The following ADAMTS19 variants were observed in gnomAD, a reference collection of about 807,000 sequenced individuals.
The protein encoded by ADAMTS19 is ADAM metallopeptidase with thrombospondin type 1 motif 19.
ADAMTS19 carries 93 observed loss-of-function variants against 153.3 expected under a neutral mutation model. The ratio of observed to expected loss-of-function variants is 0.61; its 90% CI spans 0.51 to 0.72. ADAMTS19 has a LOEUF of 0.72. Ranked by LOEUF, ADAMTS19 falls within the 30% of genes least tolerant of loss-of-function variation. The pLI is 0.00. For synonymous variants in ADAMTS19, 600 were observed against 556.6 expected (o/e 1.08, Z -1.10); for missense variants, 1,482 against 1,552.1 (o/e 0.95, Z 0.76).
intron 7 of ADAMTS19, among the ~76,000 whole-genome samples, chr5:129,592,552 T>G (rs1415195158): frequency 6.6e-6 from 1 of 152,220 alleles, no homozygotes; most frequent in East Asian, 1.9e-4. Flanking sequence ...ATCATTTACA[T>G]TAGTCGTGGT....
At chr5:129,716,025 G>T (rs1311708124) in intron 21 of ADAMTS19, among the ~76,000 whole-genome samples, 2 of 151,722 alleles carry the variant, frequency 1.3e-5, no homozygotes, top group African/African-American at 4.8e-5. Flanking sequence ...GAGCAAGAGA[G>T]AAATCATGAG....
At chr5:129,694,659 C>A (rs1755476381) in intron 18 of ADAMTS19, 61 bp from the exon 19 acceptor site, 3 of 1,269,524 alleles carry the variant, frequency 2.4e-6, no homozygotes, top group Non-Finnish European at 3.1e-6. Context: ...TTATGAACAC[C>A]TCCTAAATCC....
intron 7 of ADAMTS19, among the ~76,000 whole-genome samples, chr5:129,592,500 T>C (rs1041473650): frequency 1.3e-5 from 2 of 152,142 alleles, no homozygotes; most frequent in African/African-American, 4.8e-5. Context: ...CACACGTGGG[T>C]TATTGAACTG....
intron 7 of ADAMTS19, among the ~76,000 whole-genome samples, chr5:129,579,586 T>A (rs1253827362): frequency 6.6e-6 from 1 of 152,226 alleles, no homozygotes; most frequent in Non-Finnish European, 1.5e-5. Context: ...TATGTTTAAG[T>A]CTTCAATCTA....
At chr5:129,558,671 G>C (rs1399345010) in intron 7 of ADAMTS19, among the ~76,000 whole-genome samples, 1 of 151,988 alleles carries the variant, frequency 6.6e-6, no homozygotes, top group African/African-American at 2.4e-5. Context: ...GAGGAACATA[G>C]GTCTGAAAAT....
intron 2 of ADAMTS19, among the ~76,000 whole-genome samples, chr5:129,467,546 G>A (rs559896647): frequency 5.9e-5 from 9 of 152,246 alleles, no homozygotes; most frequent in East Asian, 3.9e-4. Context: ...AGAGAAAATC[G>A]TATGCATTTA....
chr5:129,715,380 A>G (rs927182536), intron 21 of ADAMTS19, among the ~76,000 whole-genome samples: 1 of 151,290 alleles, frequency 6.6e-6, no homozygotes, highest in Non-Finnish European at 1.5e-5. Flanking sequence ...TGGGACTAGA[A>G]GAGGTAAGAT....
At chr5:129,594,194 C>A (rs1750268325) in intron 7 of ADAMTS19, among the ~76,000 whole-genome samples, 1 of 152,068 alleles carries the variant, frequency 6.6e-6, no homozygotes, top group South Asian at 2.1e-4. Context: ...GAATTAGAAA[C>A]AAGTGGCAGT....
At chr5:129,645,288 G>A (rs1375432172) in intron 11 of ADAMTS19, among the ~76,000 whole-genome samples, 6 of 152,088 alleles carry the variant, frequency 3.9e-5, no homozygotes, top group African/African-American at 1.4e-4. Context: ...AAATCATGCT[G>A]CTCTCCATAA....
intron 7 of ADAMTS19, among the ~76,000 whole-genome samples, chr5:129,589,974 G>A (rs540173277): frequency 1.3e-5 from 2 of 152,130 alleles, no homozygotes; most frequent in South Asian, 2.1e-4. Flanking sequence ...ATGTGCTCAC[G>A]GTAGCTTCGG....
chr5:129,474,307 G>T (rs150703260), intron 2 of ADAMTS19, among the ~76,000 whole-genome samples: 8 of 151,944 alleles, frequency 5.3e-5, no homozygotes, highest in Admixed American at 3.3e-4. Flanking sequence ...TCATCAGTTG[G>T]TGGGCATTTG....
chr5:129,491,551 G>A (rs1288569900), intron 2 of ADAMTS19, among the ~76,000 whole-genome samples: 1 of 151,874 alleles, frequency 6.6e-6, no homozygotes, highest in Non-Finnish European at 1.5e-5. Flanking sequence ...CCTTCTACTC[G>A]ATTAACTTTG....
At chr5:129,539,373 C>T (rs1359822262) in intron 6 of ADAMTS19, among the ~76,000 whole-genome samples, 4 of 152,042 alleles carry the variant, frequency 2.6e-5, no homozygotes, top group African/African-American at 9.7e-5. Flanking sequence ...CAAAGAATGC[C>T]AGCAATGTCT....
intron 10 of ADAMTS19, among the ~76,000 whole-genome samples, chr5:129,629,975 C>T (rs1242076672): frequency 6.6e-6 from 1 of 152,042 alleles, no homozygotes; most frequent in African/African-American, 2.4e-5. Flanking sequence ...CTCCAGGAAA[C>T]TTAAGATCCT....
intron 7 of ADAMTS19, among the ~76,000 whole-genome samples, chr5:129,594,961 A>C (rs1750305245): frequency 6.6e-6 from 1 of 152,116 alleles, no homozygotes; most frequent in Non-Finnish European, 1.5e-5. Flanking sequence ...CCCATTCATT[A>C]AGAAGTCATT....
At chr5:129,627,670 A>G (rs1265039234) in intron 10 of ADAMTS19, among the ~76,000 whole-genome samples, 1 of 152,066 alleles carries the variant, frequency 6.6e-6, no homozygotes, top group African/African-American at 2.4e-5. Flanking sequence ...AAAGACATGC[A>G]GCCAACAAGC....
chr5:129,727,749 C>A (rs941707750), intron 21 of ADAMTS19, among the ~76,000 whole-genome samples: 1 of 152,084 alleles, frequency 6.6e-6, no homozygotes, highest in Non-Finnish European at 1.5e-5. Context: ...TAAGCTTTAA[C>A]AAAGTGCCTG....
At chr5:129,559,136 TAAATA>T (rs994720393) in intron 7 of ADAMTS19, among the ~76,000 whole-genome samples, 2 of 152,066 alleles carry the variant, frequency 1.3e-5, no homozygotes, top group African/African-American at 4.8e-5. Context: ...TATCACTAAA[TAAATA>T]AGACAATGAC....
intron 7 of ADAMTS19, among the ~76,000 whole-genome samples, chr5:129,561,819 A>ACTATCTATCTATCTAT (rs3071537): frequency 2.6e-4 from 38 of 148,182 alleles, no homozygotes; most frequent in African/African-American, 3.5e-4. Flanking sequence ...ATTTCACCCT[A>ACTATCTATCTATCTAT]CTATCTATCT....
Sources: gnomAD v4.1 joint callset for allele counts (sites outside exome capture counted in the v4.1 genomes callset) on GRCh38, gnomAD v4.1.1 for gene constraint, MANE v1.5 for transcripts, NCBI Gene and HGNC (gene_info 2026-07-23, HGNC 2026-07-21) for gene names.